SBF2: variants seen among roughly 807,000 people sequenced by gnomAD.
SBF2 encodes SET binding factor 2.
In SBF2, 112 loss-of-function variants were observed where a neutral mutation model predicts 225.2. That is an observed-to-expected ratio of 0.50 (90% CI 0.43 to 0.58). SBF2 has a LOEUF of 0.58. SBF2 is among the 20% of genes least tolerant of loss of function. The probability of loss-of-function intolerance (pLI) is 0.00; values close to 1 mark genes in which losing one functional copy is unlikely to be tolerated. For missense variants in SBF2, 1,996 were observed against 2,206.2 expected (o/e 0.90, Z 1.91); for synonymous variants, 763 against 773.3 (o/e 0.99, Z 0.22).
At chr11:10,055,585 C>T (rs1021652339) in intron 2 of SBF2, among the ~76,000 whole-genome samples, 12 of 149,770 alleles carry the variant, frequency 8.0e-5, no homozygotes, top group Non-Finnish European at 1.0e-4. Context: ...TGGAATACTA[C>T]TAACTCATAA....
intron 2 of SBF2, among the ~76,000 whole-genome samples, chr11:10,081,426 G>GTT (rs1951358260): frequency 6.6e-6 from 1 of 152,106 alleles, no homozygotes; most frequent in Non-Finnish European, 1.5e-5. Context: ...TACAGCAAAA[G>GTT]CAGTGCTAAG....
intron 1 of SBF2, chr11:10,272,165 G>T: frequency 1.8e-6 from 2 of 1,131,548 alleles, no homozygotes; most frequent in Non-Finnish European, 2.5e-6. Context: ...AAGCTCTGCA[G>T]CTGCCTGAGA....
At chr11:10,120,205 C>T (rs1021402420) in intron 2 of SBF2, among the ~76,000 whole-genome samples, 1 of 152,180 alleles carries the variant, frequency 6.6e-6, no homozygotes, top group Non-Finnish European at 1.5e-5. Flanking sequence ...TCATGACTGG[C>T]TTGTTTCACA....
chr11:9,793,120 A>G (rs1852867559), intron 33 of SBF2, among the ~76,000 whole-genome samples: 1 of 152,068 alleles, frequency 6.6e-6, no homozygotes, highest in African/African-American at 2.4e-5. Context: ...CATAGGATGG[A>G]AATGCTTATA....
chr11:10,253,408 A>T (rs1960561789), intron 1 of SBF2, among the ~76,000 whole-genome samples: 1 of 152,172 alleles, frequency 6.6e-6, no homozygotes, highest in Non-Finnish European at 1.5e-5. Context: ...ATAAAATCAA[A>T]AGTAAACCCT....
At chr11:9,789,841 T>C (rs1490975572) in intron 34 of SBF2, among the ~76,000 whole-genome samples, 1 of 152,256 alleles carries the variant, frequency 6.6e-6, no homozygotes, top group Non-Finnish European at 1.5e-5. Context: ...AGAAGTAGCC[T>C]GGTGAGCAGC....
At chr11:9,978,027 C>T (rs1946779538) in intron 13 of SBF2, among the ~76,000 whole-genome samples, 1 of 152,120 alleles carries the variant, frequency 6.6e-6, no homozygotes, top group Admixed American at 6.5e-5. Flanking sequence ...TCAATTCCAA[C>T]CCAATAACAA....
At chr11:10,191,517 GGAAAAA>G (rs367826920) in intron 2 of SBF2, among the ~76,000 whole-genome samples, 1 of 152,056 alleles carries the variant, frequency 6.6e-6, no homozygotes, top group Non-Finnish European at 1.5e-5. Flanking sequence ...GATCCATTAT[GGAAAAA>G]GGAAAAGGAA....
Position 9,863,728 on chromosome 11 carries a change from T to C in SBF2, c.1930-5332A>G, listed in dbSNP as rs374837948. On this transcript the variant is annotated intron_variant, in intron 17 of 39. Transcript: ENST00000256190. ...ACCTGGCTTTATCAAATCTTAAACA[T>C]ATTTGCTTTGTCCCTCCCTCTCTCT... Among the ~76,000 whole-genome samples the C allele has an allele frequency of 2.5e-4, 38 of 150,502 alleles. 1 individual carries two copies. The South Asian group carries it at 6.9e-3, about 27-fold the overall frequency.
intron 26 of SBF2, chr11:9,839,105 A>G (rs1855923937): frequency 6.7e-6 from 2 of 296,612 alleles, no homozygotes; most frequent in Non-Finnish European, 1.3e-5. Flanking sequence ...TGGCTCATAA[A>G]CTGAAAATAT....
At chr11:10,232,299 GCTGCACCCACTATC>G (rs1310702018) in intron 1 of SBF2, among the ~76,000 whole-genome samples, 2 of 152,138 alleles carry the variant, frequency 1.3e-5, no homozygotes, top group Non-Finnish European at 2.9e-5. Flanking sequence ...CGCTCGGTGC[GCTGCACCCACTATC>G]CTGCACCCAC....
At chr11:9,786,435 T>C (rs1311984750) in intron 36 of SBF2, among the ~76,000 whole-genome samples, 1 of 152,182 alleles carries the variant, frequency 6.6e-6, no homozygotes, top group East Asian at 1.9e-4. Context: ...CAAAAAAGCA[T>C]TAAGGCATCA....
intron 16 of SBF2, among the ~76,000 whole-genome samples, chr11:9,901,676 G>T (rs930289044): frequency 1.3e-5 from 2 of 152,084 alleles, no homozygotes; most frequent in African/African-American, 4.8e-5. Context: ...TTGAGACAGG[G>T]TCTCACTCTG....
intron 12 of SBF2, among the ~76,000 whole-genome samples, chr11:9,991,619 C>T (rs1263082615): frequency 1.3e-5 from 2 of 152,182 alleles, no homozygotes; most frequent in East Asian, 3.9e-4. Context: ...GTTCTATCCA[C>T]CAGAGTGGGC....
intron 16 of SBF2, among the ~76,000 whole-genome samples, chr11:9,918,016 T>G (rs902570265): frequency 6.6e-6 from 1 of 151,640 alleles, no homozygotes; most frequent in African/African-American, 2.4e-5. Context: ...CATATGAACT[T>G]GATGCCTGCA....
chr11:9,929,404 C>A, intron 16 of SBF2: 1 of 194,422 alleles, frequency 5.1e-6, no homozygotes, highest in South Asian at 1.0e-4. Context: ...ACAACCAGCT[C>A]AGGGGTAGGA....
intron 2 of SBF2, among the ~76,000 whole-genome samples, chr11:10,081,127 A>G (rs1016396239): frequency 2.0e-5 from 3 of 152,202 alleles, no homozygotes; most frequent in African/African-American, 7.2e-5. Context: ...TACAAGGAAT[A>G]TATCAACAGA....
chr11:9,821,066 G>A (rs1443506180), intron 28 of SBF2, among the ~76,000 whole-genome samples: 1 of 152,134 alleles, frequency 6.6e-6, no homozygotes, highest in African/African-American at 2.4e-5. Flanking sequence ...CATTGTTGGA[G>A]AAAGGCACAG....
chr11:10,272,343 C>T (rs1962553912), intron 1 of SBF2: 1 of 652,002 alleles, frequency 1.5e-6, no homozygotes, highest in Non-Finnish European at 2.4e-6. Flanking sequence ...CTAAGGCTTA[C>T]TTACTTGCTA....
Sources: gnomAD v4.1 joint callset for allele counts (sites outside exome capture counted in the v4.1 genomes callset) on GRCh38, gnomAD v4.1.1 for gene constraint, MANE v1.5 for transcripts, NCBI Gene and HGNC (gene_info 2026-07-23, HGNC 2026-07-21) for gene names.